The following AGT variants were observed in gnomAD, a reference collection of about 807,000 sequenced individuals.
AGT encodes angiotensinogen.
AGT carries 26 observed loss-of-function variants against 28.1 expected under a neutral mutation model. That is an observed-to-expected ratio of 0.92 (90% CI 0.68 to 1.28). AGT has a LOEUF of 1.28. Among genes scored for constraint, AGT ranks in the 50% most tolerant of loss-of-function variants. The probability of loss-of-function intolerance (pLI) is 0.00; values close to 1 mark genes in which losing one functional copy is unlikely to be tolerated. For synonymous variants in AGT, 259 were observed against 259.6 expected (o/e 1.00, Z 0.02); for missense variants, 596 against 592.3 (o/e 1.01, Z -0.06).
intron 1 of AGT, among the ~76,000 whole-genome samples, chr1:230,734,857 C>T (rs1453312919): frequency 6.6e-6 from 1 of 152,024 alleles, no homozygotes; most frequent in Non-Finnish European, 1.5e-5. Flanking sequence ...CTACAGGCGC[C>T]TGCCACCACG....
rs146284519 is a variant in AGT at position 230,703,169 on chromosome 1, C to A, written c.1403G>T (p.Arg468Leu). ...TGCTGTGCTCAGCGGGTTGGCCACG[C>A]GGCCCAGGAAGTGCAGGGCAGTGGC... The part of the protein sequence containing the change: ...QSATALHFLG[R>L]VANPLSTA The change falls in exon 5 of 5, where the codon CGC becomes CTC. Residue 468 changes from arginine (R) to leucine (L), a missense_variant. By Grantham distance (102) the Arg-to-Leu change is moderately radical. Coordinates refer to ENST00000366667, the MANE Select transcript of AGT (RefSeq NM_001384479.1). 1.2e-6 allele frequency: 2 copies of A among 1,613,996 alleles called. No individual in the cohort carries two copies. The highest frequency in any genetic ancestry group is 1.3e-5 in the African/African-American group (1 of 75,054).
At chr1:230,728,152 G>T (rs1037784239) in intron 1 of AGT, among the ~76,000 whole-genome samples, 1 of 152,166 alleles carries the variant, frequency 6.6e-6, no homozygotes, top group African/African-American at 2.4e-5. Flanking sequence ...TCCAGGTAAA[G>T]TCACCTGGTT....
intron 1 of AGT, among the ~76,000 whole-genome samples, chr1:230,744,036 C>A (rs1251041245): frequency 6.6e-6 from 1 of 152,190 alleles, no homozygotes; most frequent in African/African-American, 2.4e-5. Context: ...ATGCATGGCC[C>A]CCGCTTGGCT....
chr1:230,707,788 G>C (rs960272689), intron 2 of AGT, among the ~76,000 whole-genome samples: 1 of 152,160 alleles, frequency 6.6e-6, no homozygotes, highest in Non-Finnish European at 1.5e-5. Flanking sequence ...AGTGGCTGCC[G>C]TCTTCCCTCT....
intron 1 of AGT, among the ~76,000 whole-genome samples, chr1:230,732,209 C>T (rs1462698357): frequency 6.6e-6 from 1 of 152,176 alleles, no homozygotes; most frequent in East Asian, 1.9e-4. Context: ...CTATATTGCT[C>T]AGGCTGGTCT....
At chr1:230,729,609 T>C (rs1439078583) in intron 1 of AGT, among the ~76,000 whole-genome samples, 1 of 152,148 alleles carries the variant, frequency 6.6e-6, no homozygotes, top group Admixed American at 6.5e-5. Context: ...GGTGACAGCC[T>C]GCCTTCAGTG....
At chr1:230,703,982 G>A (rs1256633038) in intron 4 of AGT, among the ~76,000 whole-genome samples, 2 of 152,194 alleles carry the variant, frequency 1.3e-5, no homozygotes, top group Admixed American at 6.5e-5. Context: ...AGCAGGAGGA[G>A]GCACAGCAGG....
intron 1 of AGT, among the ~76,000 whole-genome samples, chr1:230,742,571 TC>T (rs1314169826): frequency 6.6e-6 from 1 of 152,180 alleles, no homozygotes; most frequent in African/African-American, 2.4e-5. Context: ...TGCCTTAGCC[TC>T]CCAAAGTGCT....
chr1:230,710,706 T>G lies in AGT; in HGVS notation c.118A>C (p.Ser40Arg). 1.2e-6 allele frequency: 2 copies of G among 1,614,120 alleles called. No individual in the cohort carries two copies. The highest frequency in any genetic ancestry group is 1.7e-6 in the Non-Finnish European group (2 of 1,179,992). ...GCCTTTGCCAGCTGCTCACAGGTAC[T>G]CTCATTGTGGATGACGAGGTGGAAG... ...HPFHLVIHNE[S>R]TCEQLAKANA... Residue 40 changes from serine to arginine, a missense_variant, in exon 2 of 5, where the codon AGT becomes CGT. Transcript: ENST00000366667.
chr1:230,729,529 G>A (rs1200754473), intron 1 of AGT, among the ~76,000 whole-genome samples: 1 of 152,056 alleles, frequency 6.6e-6, no homozygotes, highest in Non-Finnish European at 1.5e-5. Context: ...TCAAGGACCC[G>A]GGAGCCATCT....
rs4753 is a variant in AGT at position 230,702,983 on chromosome 1, G to C, written c.*158C>G. On this transcript the variant is annotated 3_prime_UTR_variant, in exon 5 of 5. Transcript: ENST00000366667. ...CAGCACACTTAGACCAAGGAGAAAC[G>C]GCTGCTTTCCAGCTCAAAGTCGACT... 2,607 of 796,820 alleles carry C rather than the reference G, an allele frequency of 3.3e-3. 24 individuals carry two copies. Among genetic ancestry groups the C allele is most frequent in the African/African-American group, 0.019 (1,111 of 57,774 alleles). 49.4% of individuals were successfully genotyped at this position (796,820 alleles called of 1,614,324 possible).
At chr1:230,737,758 T>C (rs1192953453) in intron 1 of AGT, among the ~76,000 whole-genome samples, 1 of 152,222 alleles carries the variant, frequency 6.6e-6, no homozygotes, top group Non-Finnish European at 1.5e-5. Flanking sequence ...GTACATACAA[T>C]TCACCTATTT....
chr1:230,719,609 G>A (rs547534682), intron 1 of AGT, among the ~76,000 whole-genome samples: 26 of 151,942 alleles, frequency 1.7e-4, no homozygotes, highest in African/African-American at 4.6e-4. Flanking sequence ...GGGTTTCACC[G>A]TGTTAGCCAG....
intron 1 of AGT, among the ~76,000 whole-genome samples, chr1:230,730,910 A>G (rs1664040125): frequency 6.6e-6 from 1 of 152,224 alleles, no homozygotes; most frequent in South Asian, 2.1e-4. Context: ...CTTTTGAGCT[A>G]TGTATTCATC....
chr1:230,713,350 A>G (rs1078499), intron 1 of AGT, among the ~76,000 whole-genome samples: 45,391 of 152,022 alleles, frequency 0.3, 7,233 homozygotes, highest in African/African-American at 0.4. Flanking sequence ...AGGTCCAGTG[A>G]CTTGTTCAAC....
intron 1 of AGT, among the ~76,000 whole-genome samples, chr1:230,732,979 G>T (rs1664094016): frequency 6.6e-6 from 1 of 151,730 alleles, no homozygotes; most frequent in Admixed American, 6.6e-5. Context: ...TTAAATAACT[G>T]ATCTGTTAAA....
rs373266474 is a variant in AGT, at chr1:230,732,155, GTTGT to G, written c.-31+13356_-31+13359del. Among the ~76,000 whole-genome samples the G allele has an allele frequency of 3.7e-3, 561 of 152,098 alleles. 28 individuals carry two copies. The South Asian group carries it at 0.084, about 23-fold the overall frequency. ...TTATGTACAGAAAGCATTATTTTTTGTTGTTTGTTTGTTTATTTGTTTGTTTGTA... is the reference window on the plus strand; with the variant it reads ...TTATGTACAGAAAGCATTATTTTTTGTTGTTTGTTTATTTGTTTGTTTGTA... On this transcript the variant is annotated intron_variant, in intron 1 of 4. Coordinates refer to the AGT transcript ENST00000681269.
Position 230,704,189 on chromosome 1 carries a change from A to G in AGT, c.1242+4T>C, listed in dbSNP as rs1663314291. On this transcript the variant is annotated splice_donor_region_variant and intron_variant, in intron 4 of 4. Coordinates refer to ENST00000366667, the MANE Select transcript of AGT (RefSeq NM_001384479.1). ...GTCAGGCACAGACACAGGCTCACAC[A>G]TACCTCCCCCACCCTGATGCGGTCA... is the stretch of plus-strand genomic sequence containing the variant. 1.2e-6 allele frequency: 2 copies of G among 1,614,130 alleles called. No individual in the cohort carries two copies. Among genetic ancestry groups the G allele is most frequent in the African/African-American group, 1.3e-5 (1 of 75,024 alleles).
Position 230,729,322 on chromosome 1 carries a change from T to C in AGT, c.-31+16193A>G, listed in dbSNP as rs144436641. 4.3e-4 allele frequency among the ~76,000 whole-genome samples: 66 copies of C among 152,294 alleles called. 1 individual carries two copies. The highest frequency in any genetic ancestry group is 1.8e-4 in the Non-Finnish European group (12 of 68,024). On this transcript the variant is annotated intron_variant, in intron 1 of 4. Transcript: ENST00000681269. Reference sequence around the variant, plus strand: ...ACCTAGTAGCCACTGTAAGGACAAATGCAACTTAAAAACAAGAGGCTTAAT... The same window carrying C: ...ACCTAGTAGCCACTGTAAGGACAAACGCAACTTAAAAACAAGAGGCTTAAT...
Sources: allele counts gnomAD v4.1 joint callset (sites outside exome capture counted in the v4.1 genomes callset), GRCh38; gene constraint gnomAD v4.1.1; transcripts MANE v1.5; gene names NCBI Gene and HGNC (gene_info 2026-07-23, HGNC 2026-07-21).